The following LAMA4 variants were observed in gnomAD, a reference collection of about 807,000 sequenced individuals.
LAMA4 encodes laminin subunit alpha-4.
In LAMA4, 127 loss-of-function variants were observed where a neutral mutation model predicts 207.1. That is an observed-to-expected ratio of 0.61 (90% CI 0.53 to 0.71). LAMA4 has a LOEUF of 0.71. LAMA4 is among the 30% of genes least tolerant of loss of function. LAMA4 has a pLI of 0.00. For synonymous variants in LAMA4, 761 were observed against 816.0 expected, an observed-to-expected ratio of 0.93 and a Z score of 1.15; for missense variants, 2,093 against 2,246.5, an observed-to-expected ratio of 0.93 and a Z score of 1.38.
chr6:112,202,195 C>A, intron 4 of LAMA4, among the ~76,000 whole-genome samples: 1 of 152,080 alleles, frequency 6.6e-6, no homozygotes. Context: ...CGATGAAAGT[C>A]CCAGTCAAGT....
At chr6:112,157,877 T>G (rs535612885) in intron 14 of LAMA4, 64 of 152,320 alleles carry the variant, frequency 4.2e-4, no homozygotes, top group African/African-American at 1.5e-3. Flanking sequence ...CACACCAAGA[T>G]TTTATATGAC....
In LAMA4 at chr6:112,254,137, G is replaced by C. The variant is rs1554190586; in HGVS notation, c.14C>G (p.Ser5Ter). The C allele has an allele frequency of 6.2e-7, 1 of 1,612,934 alleles. No homozygotes were observed. Among genetic ancestry groups the C allele is most frequent in the Non-Finnish European group, 8.5e-7 (1 of 1,179,972 alleles). The change falls in exon 2 of 39, where the codon TCA (serine) becomes TGA (stop). Residue 5 changes from serine (S) to a stop codon, truncating the protein, a stop_gained. Transcript: ENST00000230538. LOFTEE classifies it high-confidence loss of function. ...CAGAGGCAGAACCGAGCGCCAGGCT[G>C]AGCTCAAAGCCATTTCTCCGCTGAC... The part of the protein sequence containing the change: MALS[S>*]AWRSVLPLWL...
At chr6:112,141,069 G>C (rs1554333075) in intron 21 of LAMA4, 147 bp from the exon 22 acceptor site, 2 of 752,602 alleles carry the variant, frequency 2.7e-6, no homozygotes, top group African/African-American at 3.5e-5. Context: ...CAATGAGAAA[G>C]AGAAGAAAGA....
In LAMA4 at chr6:112,142,270, T is replaced by A; in HGVS notation, c.2516A>T (p.Asp839Val). 1 of 1,614,124 alleles carries A rather than the reference T, an allele frequency of 6.2e-7. No homozygotes were observed. Among genetic ancestry groups the A allele is most frequent in the Non-Finnish European group, 8.5e-7 (1 of 1,179,998 alleles). The change falls in exon 20 of 39, where the codon GAT becomes GTT. Residue 839 changes from aspartate (D) to valine (V), a missense_variant. Asp to Val is a radical substitution (Grantham distance 152). This residue lies in a region of LAMA4 where 1,704 missense variants were observed against 1,788.4 expected (regional missense o/e 0.95). Coordinates refer to ENST00000230538, the MANE Select transcript of LAMA4 (RefSeq NM_001105206.3). ...GTGCACTTCCACAGCTGACTGGCCA[T>A]CAAACATCATGGAGACTTGGATCTG... is the stretch of plus-strand genomic sequence containing the variant. ...ASKIQVSMMFDGQSAVEVHSR... is the reference protein window; with the variant it reads ...ASKIQVSMMFVGQSAVEVHSR...
At chr6:112,148,413 C>A in intron 17 of LAMA4, 77 bp from the exon 18 acceptor site, 2 of 1,478,014 alleles carry the variant, frequency 1.4e-6, no homozygotes, top group Middle Eastern at 4.3e-4. Context: ...CCCCTTTAAC[C>A]CTTGAATGAA....
intron 19 of LAMA4, 117 bp from the exon 20 acceptor site, chr6:112,142,409 GTTA>G (rs1779754430): frequency 6.7e-6 from 6 of 892,800 alleles, no homozygotes; most frequent in Non-Finnish European, 1.1e-5. Flanking sequence ...CATACCTGTA[GTTA>G]TTTACCACAT....
intron 12 of LAMA4, among the ~76,000 whole-genome samples, chr6:112,170,320 A>T (rs1463892949): frequency 6.6e-6 from 1 of 152,160 alleles, no homozygotes; most frequent in Non-Finnish European, 1.5e-5. Flanking sequence ...TCCTACCAGG[A>T]CCGGTCTGGG....
At chr6:112,212,329 T>G (rs1784396531) in intron 3 of LAMA4, among the ~76,000 whole-genome samples, 1 of 151,938 alleles carries the variant, frequency 6.6e-6, no homozygotes, top group South Asian at 2.1e-4. Context: ...GTTCAAGTGA[T>G]TCTCATGCCT....
intron 8 of LAMA4, chr6:112,186,655 C>A (rs1300922128): frequency 2.6e-5 from 10 of 389,770 alleles, no homozygotes. Flanking sequence ...TTTAAATCAT[C>A]TCTAGATTAC....
chr6:112,248,883 G>A (rs1434223567), intron 2 of LAMA4, among the ~76,000 whole-genome samples: 1 of 152,110 alleles, frequency 6.6e-6, no homozygotes, highest in South Asian at 2.1e-4. Context: ...TTTGGTTAAG[G>A]TAATTACCAC....
intron 25 of LAMA4, among the ~76,000 whole-genome samples, chr6:112,135,440 T>C (rs192213307): frequency 6.6e-6 from 1 of 152,322 alleles, no homozygotes; most frequent in Admixed American, 6.5e-5. Context: ...AATATTCTTT[T>C]ATTGTAAACC....
intron 3 of LAMA4, among the ~76,000 whole-genome samples, chr6:112,211,655 T>C (rs1425173506): frequency 6.6e-6 from 1 of 152,200 alleles, no homozygotes; most frequent in Non-Finnish European, 1.5e-5. Context: ...TTTTAGCTCT[T>C]CCTGAGAAAG....
chr6:112,235,595 A>G (rs1439523917), intron 2 of LAMA4, among the ~76,000 whole-genome samples: 2 of 152,218 alleles, frequency 1.3e-5, no homozygotes, highest in African/African-American at 4.8e-5. Context: ...TACAGGAGGA[A>G]TACCAGACAT....
intron 6 of LAMA4, among the ~76,000 whole-genome samples, chr6:112,190,628 G>A (rs1365903463): frequency 5.3e-5 from 8 of 152,192 alleles, no homozygotes; most frequent in Admixed American, 3.9e-4. Flanking sequence ...TTCACTCTAT[G>A]TGGCAAATGG....
chr6:112,217,469 C>G (rs547104584), intron 2 of LAMA4, among the ~76,000 whole-genome samples: 23 of 152,254 alleles, frequency 1.5e-4, no homozygotes, highest in Non-Finnish European at 2.9e-4. Flanking sequence ...TCATACACCC[C>G]CATTGACCCA....
chr6:112,177,564 A>G (rs1782100115), intron 10 of LAMA4, among the ~76,000 whole-genome samples: 1 of 152,330 alleles, frequency 6.6e-6, no homozygotes, highest in African/African-American at 2.4e-5. Context: ...GTGAGAGCAC[A>G]AATTAAGCAA....
intron 13 of LAMA4, among the ~76,000 whole-genome samples, chr6:112,159,957 C>A (rs1248985265): frequency 2.6e-5 from 4 of 152,070 alleles, no homozygotes; most frequent in Admixed American, 6.5e-5. Flanking sequence ...CTGGGCAGAA[C>A]CCCCATCTAA....
intron 2 of LAMA4, among the ~76,000 whole-genome samples, chr6:112,240,494 A>G (rs1554187427): frequency 6.6e-6 from 1 of 152,138 alleles, no homozygotes; most frequent in African/African-American, 2.4e-5. Context: ...GGTCTTACTC[A>G]TGCTTTCTAT....
At chr6:112,113,009 G>T (rs1344066259) in intron 38 of LAMA4, among the ~76,000 whole-genome samples, 3 of 152,144 alleles carry the variant, frequency 2.0e-5, no homozygotes, top group Admixed American at 1.3e-4. Context: ...GTTACTAGAG[G>T]CTGGGAAGGG....
Sources: allele counts gnomAD v4.1 joint callset (sites outside exome capture counted in the v4.1 genomes callset), GRCh38; gene constraint gnomAD v4.1.1; regional missense constraint gnomAD v4.1.1; transcripts MANE v1.5; gene names NCBI Gene and HGNC (gene_info 2026-07-23, HGNC 2026-07-21).